DDI2: variants seen among roughly 807,000 people sequenced by gnomAD.
DDI2 encodes DDI proteasomal shuttling factor 2.
DDI2 carries 5 observed loss-of-function variants against 48.1 expected under a neutral mutation model. That is an observed-to-expected ratio of 0.10 (90% confidence interval 0.05 to 0.22). The LOEUF is 0.22. DDI2 is among the 10% of genes least tolerant of loss of function. DDI2 has a pLI of 1.00. For synonymous variants in DDI2, 205 were observed against 183.6 expected, an observed-to-expected ratio of 1.12 and a Z score of -0.94; for missense variants, 285 against 506.2, an observed-to-expected ratio of 0.56 and a Z score of 4.19.
intron 6 of DDI2, among the ~76,000 whole-genome samples, chr1:15,647,771 G>A (rs563071642): frequency 2.0e-5 from 3 of 152,178 alleles, no homozygotes; most frequent in South Asian, 2.1e-4. Flanking sequence ...AGACCAGCCT[G>A]GGGGCCATAG....
chr1:15,640,970 A>G (rs1293956501), intron 5 of DDI2, among the ~76,000 whole-genome samples: 1 of 152,082 alleles, frequency 6.6e-6, no homozygotes, highest in Non-Finnish European at 1.5e-5. Context: ...ATTTTACAGG[A>G]GGGTCAAAGT....
intron 1 of DDI2, among the ~76,000 whole-genome samples, chr1:15,621,004 A>C (rs1287463765): frequency 6.6e-6 from 1 of 152,174 alleles, no homozygotes; most frequent in African/African-American, 2.4e-5. Context: ...AAAGGTGTTA[A>C]TTTTTAACAG....
At chr1:15,652,446 CGGA>C (rs771782988) in intron 8 of DDI2, among the ~76,000 whole-genome samples, 3,335 of 15,818 alleles carry the variant, frequency 0.21, 777 homozygotes, top group African/African-American at 0.25. Flanking sequence ...TGGGAGGCTC[CGGA>C]GGGGGGGGGG....
At chr1:15,644,820 C>G (rs937404395) in intron 6 of DDI2, among the ~76,000 whole-genome samples, 8 of 151,838 alleles carry the variant, frequency 5.3e-5, no homozygotes, top group Non-Finnish European at 1.2e-4. Context: ...GTCTCCATCT[C>G]CTGACCTCGT....
chr1:15,659,971 G>C lies in DDI2; in HGVS notation c.*181G>C. On this transcript the variant is annotated 3_prime_UTR_variant, in exon 10 of 10. Transcript: ENST00000480945. ...TATGAGTCTTGCTCGCTCTGTCTCT[G>C]CTTCAGTCTGCCCTATCAAGCCCAG... 3 of 1,614,182 alleles carry C rather than the reference G, an allele frequency of 1.9e-6. No individual in the cohort carries two copies. The highest frequency in any genetic ancestry group is 2.5e-6 in the Non-Finnish European group (3 of 1,180,038).
At chr1:15,638,526 TGTAC>T in intron 5 of DDI2, 92 bp downstream of exon 5, 1 of 1,122,442 alleles carries the variant, frequency 8.9e-7, no homozygotes, top group Non-Finnish European at 1.2e-6. Context: ...TTCAGATGGC[TGTAC>T]TTTTTTTTTT....
At position 15,663,981 on chromosome 1, in the gene DDI2, T is replaced by G. The variant is rs1399806600; in HGVS notation, c.*4191T>G. Reference sequence around the variant, plus strand: ...TTTGTGTATGTATATGTATATTTATTTTTAGGAATAGATCTATAGTTGTAC... The same window carrying G: ...TTTGTGTATGTATATGTATATTTATGTTTAGGAATAGATCTATAGTTGTAC... On this transcript the variant is annotated 3_prime_UTR_variant, in exon 10 of 10. Coordinates refer to ENST00000480945, the MANE Select transcript of DDI2 (RefSeq NM_032341.5). 1 of 152,158 alleles carries G rather than the reference T, an allele frequency of 6.6e-6. No individual in the cohort carries two copies. Among genetic ancestry groups the G allele is most frequent in the Non-Finnish European group, 1.5e-5 (1 of 68,034 alleles). The allele number at this position is 152,158 out of a possible 1,614,324, so 9.4% of individuals were successfully genotyped here.
chr1:15,628,070 T>C (rs1489317171), intron 2 of DDI2, among the ~76,000 whole-genome samples: 1 of 152,202 alleles, frequency 6.6e-6, no homozygotes, highest in Non-Finnish European at 1.5e-5. Flanking sequence ...CTTTTTTTTT[T>C]TCCTCTGCAT....
intron 4 of DDI2, among the ~76,000 whole-genome samples, chr1:15,635,907 G>A (rs572308105): frequency 3.9e-5 from 6 of 152,268 alleles, no homozygotes; most frequent in African/African-American, 1.4e-4. Flanking sequence ...TAAAACCTGT[G>A]TAATTATATA....
chr1:15,621,619 C>T (rs553356367), intron 1 of DDI2, among the ~76,000 whole-genome samples: 22 of 152,264 alleles, frequency 1.4e-4, no homozygotes, highest in Middle Eastern at 3.4e-3. Context: ...CTCCTGACCT[C>T]GGATGATCTG....
intron 7 of DDI2, among the ~76,000 whole-genome samples, chr1:15,651,145 G>A (rs545294807): frequency 1.3e-5 from 2 of 152,268 alleles, no homozygotes; most frequent in South Asian, 2.1e-4. Flanking sequence ...GAGCCACCAC[G>A]CCCGGCTCAC....
chr1:15,636,483 C>CAAA (rs535778372), intron 4 of DDI2, among the ~76,000 whole-genome samples: 6 of 142,316 alleles, frequency 4.2e-5, no homozygotes, highest in African/African-American at 1.5e-4. Flanking sequence ...TAAAACAGGG[C>CAAA]AAAAAAAAAA....
intron 1 of DDI2, among the ~76,000 whole-genome samples, chr1:15,624,498 A>T (rs907118116): frequency 2.0e-5 from 3 of 151,870 alleles, no homozygotes; most frequent in Non-Finnish European, 4.4e-5. Flanking sequence ...ACAGGGTCTT[A>T]CTCTGTTGCC....
chr1:15,649,619 C>T (rs1640147169), intron 6 of DDI2, 101 bp from the exon 7 acceptor site: 1 of 1,160,116 alleles, frequency 8.6e-7, no homozygotes, highest in Admixed American at 2.7e-5. Flanking sequence ...TGCCATCAGC[C>T]AGGATTATGC....
rs546109754 is a variant in DDI2 at position 15,665,935 on chromosome 1, C to T, written c.*6145C>T. 6.6e-6 allele frequency: 1 copy of T among 151,682 alleles called. No individual in the cohort carries two copies. Among genetic ancestry groups the T allele is most frequent in the Non-Finnish European group, 1.5e-5 (1 of 67,890 alleles). The allele number at this position is 151,682 out of a possible 1,614,324, so 9.4% of individuals were successfully genotyped here. A position where few individuals can be genotyped will look rare whatever the true frequency, so the allele number is the denominator to read the frequency against. The stretch of plus-strand genomic sequence containing the variant: ...TCTACTGTTCTCTAGCACAAGTACT[C>T]ACCAAAAAGCCAAATTTCCCCTTTG... On this transcript the variant is annotated 3_prime_UTR_variant, in exon 10 of 10. Coordinates refer to ENST00000480945, the MANE Select transcript of DDI2 (RefSeq NM_032341.5).
rs1410522953 is a variant in DDI2, at chr1:15,664,091, G to A, written c.*4301G>A. On this transcript the variant is annotated 3_prime_UTR_variant, in exon 10 of 10. Coordinates refer to ENST00000480945, the MANE Select transcript of DDI2 (RefSeq NM_032341.5). ...CCTTCCATCATTTTATTTTTGAGAT[G>A]GGGTCTTGCAGTGTTGCCCAGGCTG... 6.6e-6 allele frequency: 1 copy of A among 152,056 alleles called. No individual in the cohort carries two copies. The highest frequency in any genetic ancestry group is 1.5e-5 in the Non-Finnish European group (1 of 68,020). 9.4% of individuals were successfully genotyped at this position (152,056 alleles called of 1,614,324 possible).
intron 4 of DDI2, among the ~76,000 whole-genome samples, chr1:15,635,697 G>A (rs965967334): frequency 2.4e-4 from 37 of 152,128 alleles, no homozygotes; most frequent in African/African-American, 8.5e-4. Context: ...GAGCCACTGC[G>A]CCTGGCCACA....
chr1:15,637,375 T>C (rs1639945174), intron 4 of DDI2, among the ~76,000 whole-genome samples: 2 of 151,890 alleles, frequency 1.3e-5, no homozygotes, highest in Non-Finnish European at 2.9e-5. Flanking sequence ...GCACCTGGCA[T>C]GTTGATTTTT....
In DDI2 at chr1:15,661,992, A is replaced by G. The variant is rs1362715841; in HGVS notation, c.*2202A>G. On this transcript the variant is annotated 3_prime_UTR_variant, in exon 10 of 10. Coordinates refer to ENST00000480945, the MANE Select transcript of DDI2 (RefSeq NM_032341.5). ...CATACAGAAGCTTTTTATTCTCATT[A>G]AGATGTATCCTGGAATAAAATGGAT... The G allele has an allele frequency of 1.5e-5, 5 of 326,550 alleles. No individual in the cohort carries two copies. Among genetic ancestry groups the G allele is most frequent in the Non-Finnish European group, 2.2e-5 (4 of 180,190 alleles). The allele number at this position is 326,550 out of a possible 1,614,324, so 20.2% of individuals were successfully genotyped here.
Sources: allele counts gnomAD v4.1 joint callset (sites outside exome capture counted in the v4.1 genomes callset), GRCh38; gene constraint gnomAD v4.1.1; transcripts MANE v1.5; gene names NCBI Gene and HGNC (gene_info 2026-07-23, HGNC 2026-07-21).